ABHD17C: variants seen among roughly 807,000 people sequenced by gnomAD.
ABHD17C encodes the protein alpha/beta hydrolase domain-containing protein 17C.
Under a neutral mutation model 27.9 loss-of-function variants are expected in ABHD17C, and 11 were observed. The observed-to-expected ratio is 0.39, with a 90% CI of 0.25 to 0.65. ABHD17C has a LOEUF of 0.65. ABHD17C is among the 30% of genes least tolerant of loss of function. The probability of loss-of-function intolerance (pLI) is 0.45; values close to 1 mark genes in which losing one functional copy is unlikely to be tolerated. For missense variants in ABHD17C, 280 were observed against 470.2 expected (o/e 0.60, Z 3.74); for synonymous variants, 233 against 209.1 (o/e 1.11, Z -0.98).
At chr15:80,706,204 G>C (rs1023818556) in intron 1 of ABHD17C, among the ~76,000 whole-genome samples, 1 of 152,186 alleles carries the variant, frequency 6.6e-6, no homozygotes, top group Non-Finnish European at 1.5e-5. Context: ...GATTCATGTG[G>C]CTTTTTCACA....
intron 1 of ABHD17C, among the ~76,000 whole-genome samples, chr15:80,724,051 A>G (rs8042824): frequency 0.3 from 45,954 of 151,846 alleles, 8,653 homozygotes; most frequent in East Asian, 0.62. Context: ...GAAAATACAA[A>G]AATTAGCTGG....
intron 1 of ABHD17C, among the ~76,000 whole-genome samples, chr15:80,709,301 C>T (rs1408625084): frequency 6.6e-6 from 1 of 151,872 alleles, no homozygotes; most frequent in Non-Finnish European, 1.5e-5. Flanking sequence ...CCAACCTGGC[C>T]AACATGGTGA....
At chr15:80,696,859 A>G (rs920097200) in intron 1 of ABHD17C, among the ~76,000 whole-genome samples, 1 of 152,226 alleles carries the variant, frequency 6.6e-6, no homozygotes, top group Non-Finnish European at 1.5e-5. Context: ...CAAAAGTCTT[A>G]TACATGTGCA....
At chr15:80,716,964 C>A (rs1596063917) in intron 1 of ABHD17C, among the ~76,000 whole-genome samples, 1 of 152,268 alleles carries the variant, frequency 6.6e-6, no homozygotes, top group East Asian at 1.9e-4. Flanking sequence ...TCCCCCATGA[C>A]CTCATCTCGC....
chr15:80,703,347 C>T (rs1894600772), intron 1 of ABHD17C: 1 of 152,266 alleles, frequency 6.6e-6, no homozygotes, highest in African/African-American at 2.4e-5. Flanking sequence ...AGGGCACAGG[C>T]ATTCAAACCA....
chr15:80,721,331 C>A (rs187976066), intron 1 of ABHD17C, among the ~76,000 whole-genome samples: 1 of 152,054 alleles, frequency 6.6e-6, no homozygotes, highest in Admixed American at 6.5e-5. Flanking sequence ...ATGCTGGTCC[C>A]ATACCTGTCT....
chr15:80,708,584 TG>T (rs1271186335), intron 1 of ABHD17C, among the ~76,000 whole-genome samples: 4 of 152,214 alleles, frequency 2.6e-5, no homozygotes, highest in African/African-American at 9.6e-5. Flanking sequence ...CCGAAAGTGC[TG>T]GGATTATAGG....
chr15:80,714,983 G>A (rs537010946), intron 1 of ABHD17C, among the ~76,000 whole-genome samples: 2 of 152,162 alleles, frequency 1.3e-5, no homozygotes, highest in Non-Finnish European at 1.5e-5. Context: ...AAAATACACA[G>A]CGTTAGCCAG....
chr15:80,753,420 T>C (rs546308166), intron 2 of ABHD17C, among the ~76,000 whole-genome samples: 2 of 152,360 alleles, frequency 1.3e-5, no homozygotes, highest in East Asian at 1.9e-4. Context: ...TTCATAGTAA[T>C]GCACCAACGT....
At chr15:80,750,109 A>T (rs1195060003) in intron 2 of ABHD17C, among the ~76,000 whole-genome samples, 3 of 152,184 alleles carry the variant, frequency 2.0e-5, no homozygotes, top group Non-Finnish European at 4.4e-5. Context: ...CAAAAACTTC[A>T]AGCAAGCACA....
chr15:80,706,898 C>T (rs1023554892), intron 1 of ABHD17C, among the ~76,000 whole-genome samples: 3 of 152,214 alleles, frequency 2.0e-5, no homozygotes, highest in Admixed American at 6.5e-5. Context: ...GTCCTTATAA[C>T]ATGTAAACTT....
At chr15:80,747,694 C>G (rs912047360) in intron 1 of ABHD17C, among the ~76,000 whole-genome samples, 1 of 152,208 alleles carries the variant, frequency 6.6e-6, no homozygotes, top group Admixed American at 6.5e-5. Flanking sequence ...GCAAAACCTG[C>G]ATCTGGGGGC....
At chr15:80,719,447 C>T (rs1894858826) in intron 1 of ABHD17C, among the ~76,000 whole-genome samples, 1 of 152,238 alleles carries the variant, frequency 6.6e-6, no homozygotes, top group Admixed American at 6.5e-5. Flanking sequence ...CCAGTTCCTA[C>T]TTGCTGTCAG....
chr15:80,730,519 C>T (rs907531919), intron 1 of ABHD17C, among the ~76,000 whole-genome samples: 13 of 152,176 alleles, frequency 8.5e-5, no homozygotes, highest in Admixed American at 3.9e-4. Context: ...CTGTTTGAGA[C>T]GTTGTTGGCA....
intron 1 of ABHD17C, among the ~76,000 whole-genome samples, chr15:80,730,448 A>C (rs1567035851): frequency 6.6e-6 from 1 of 152,176 alleles, no homozygotes; most frequent in Non-Finnish European, 1.5e-5. Flanking sequence ...TCATAGTCTG[A>C]ATTTTTTGCA....
intron 1 of ABHD17C, among the ~76,000 whole-genome samples, chr15:80,720,559 A>AT (rs1011084781): frequency 3.3e-5 from 5 of 151,824 alleles, no homozygotes; most frequent in African/African-American, 4.8e-5. Flanking sequence ...AGCTTTTAGG[A>AT]TTTTTTTATA....
At chr15:80,744,014 A>G (rs1895248799) in intron 1 of ABHD17C, among the ~76,000 whole-genome samples, 1 of 152,210 alleles carries the variant, frequency 6.6e-6, no homozygotes, top group African/African-American at 2.4e-5. Flanking sequence ...TTTTGAGAAA[A>G]TACTTTTCAC....
intron 1 of ABHD17C, among the ~76,000 whole-genome samples, chr15:80,708,645 G>C (rs1209198709): frequency 6.6e-6 from 1 of 152,210 alleles, no homozygotes; most frequent in East Asian, 1.9e-4. Flanking sequence ...CTCCAGTACA[G>C]GGGGCAGGCT....
At position 80,755,510 on chromosome 15, in the gene ABHD17C, T is replaced by C. The variant is rs1160841956; in HGVS notation, c.*1140T>C. ...CCACATTTAAAAGCCTTAAATGTAC[T>C]GTAAGCCTCAGATCGTTGTACAACT... On this transcript the variant is annotated 3_prime_UTR_variant, in exon 3 of 3. Transcript: ENST00000258884. 1.3e-5 allele frequency: 2 copies of C among 152,186 alleles called. No homozygotes were observed. Among genetic ancestry groups the C allele is most frequent in the African/African-American group, 4.8e-5 (2 of 41,440 alleles). The allele number at this position is 152,186 out of a possible 1,614,324, so 9.4% of individuals were successfully genotyped here. A position where few individuals can be genotyped will look rare whatever the true frequency, so the allele number is the denominator to read the frequency against.
Sources: allele counts gnomAD v4.1 joint callset (sites outside exome capture counted in the v4.1 genomes callset), GRCh38; gene constraint gnomAD v4.1.1; transcripts MANE v1.5; gene names NCBI Gene and HGNC (gene_info 2026-07-23, HGNC 2026-07-21).